Variants in PHACTR1 observed in about 807,000 individuals in gnomAD.
PHACTR1 encodes phosphatase and actin regulator 1, also known as RPEL repeat containing 1.
In PHACTR1, 16 loss-of-function variants were observed where a neutral mutation model predicts 69.2. That is an observed-to-expected ratio of 0.23 (90% CI 0.16 to 0.35). The LOEUF is 0.35. PHACTR1 is among the 10% of genes least tolerant of loss of function. The pLI is 1.00. For missense variants in PHACTR1, 510 were observed against 734.7 expected (o/e 0.69, Z 3.54); for synonymous variants, 312 against 284.5 (o/e 1.10, Z -0.97).
chr6:12,729,690 T>C (rs1343995754), intron 3 of PHACTR1, among the ~76,000 whole-genome samples: 1 of 152,088 alleles, frequency 6.6e-6, no homozygotes, highest in African/African-American at 2.4e-5. Flanking sequence ...AGGTCTGCTT[T>C]TATAGAGATC....
intron 7 of PHACTR1, among the ~76,000 whole-genome samples, chr6:13,202,010 T>C (rs1269124290): frequency 6.6e-6 from 1 of 152,228 alleles, no homozygotes; most frequent in Non-Finnish European, 1.5e-5. Flanking sequence ...CTTTAATTCA[T>C]AGCTATGTGC....
At chr6:12,921,758 A>AACAGGGAGGGAG (rs1787717253) in intron 4 of PHACTR1, among the ~76,000 whole-genome samples, 1 of 46,094 alleles carries the variant, frequency 2.2e-5, no homozygotes, top group Non-Finnish European at 4.0e-5. Context: ...AAAGGAAGGA[A>AACAGGGAGGGAG]GGAAGAAGGA....
chr6:12,770,242 A>G (rs1023398088), intron 4 of PHACTR1, among the ~76,000 whole-genome samples: 3 of 152,232 alleles, frequency 2.0e-5, no homozygotes, highest in African/African-American at 7.2e-5. Context: ...TACAACAGTC[A>G]TCTATTTAGC....
In PHACTR1 at chr6:13,252,961, T is replaced by C. The variant is rs148513058; in HGVS notation, c.1392-19899T>C. On this transcript the variant is annotated intron_variant, in intron 10 of 14. Transcript: ENST00000332995. ...GTGTTTTCGTTTCCAGGTTTCTAAA[T>C]AGCATGAGATCTCATCTGAACTTGA... is the stretch of plus-strand genomic sequence containing the variant. 14 of 395,166 alleles carry C rather than the reference T, an allele frequency of 3.5e-5. No homozygotes were observed. In the East Asian group the frequency reaches 1.0e-3, roughly 29 times the overall value. The allele number at this position is 395,166 out of a possible 1,614,324, so 24.5% of individuals were successfully genotyped here. A position where few individuals can be genotyped will look rare whatever the true frequency, so the allele number is the denominator to read the frequency against.
chr6:12,735,687 C>A (rs1443171947), intron 3 of PHACTR1, among the ~76,000 whole-genome samples: 1 of 152,154 alleles, frequency 6.6e-6, no homozygotes, highest in African/African-American at 2.4e-5. Flanking sequence ...GCTAGGTATT[C>A]ACACTTTAAA....
chr6:13,064,679 T>A (rs1235013419), intron 5 of PHACTR1, among the ~76,000 whole-genome samples: 3 of 141,234 alleles, frequency 2.1e-5, no homozygotes, highest in African/African-American at 7.8e-5. Context: ...CAGCCTGGGC[T>A]CCAGAGTCAG....
chr6:13,127,413 CA>C (rs1156576065), intron 5 of PHACTR1, among the ~76,000 whole-genome samples: 1 of 151,872 alleles, frequency 6.6e-6, no homozygotes, highest in Admixed American at 6.6e-5. Context: ...ACAACAACAA[CA>C]AAAAAATTAG....
chr6:13,040,101 C>G (rs563815448), intron 4 of PHACTR1, among the ~76,000 whole-genome samples: 17 of 152,304 alleles, frequency 1.1e-4, no homozygotes, highest in African/African-American at 3.4e-4. Flanking sequence ...TTCCTCTTCT[C>G]TTTCTTCAAA....
At chr6:12,901,187 A>G (rs1215815959) in intron 4 of PHACTR1, among the ~76,000 whole-genome samples, 1 of 152,186 alleles carries the variant, frequency 6.6e-6, no homozygotes, top group Non-Finnish European at 1.5e-5. Context: ...CTACTGGAGA[A>G]TAAGGATTCT....
At chr6:12,952,306 GT>G (rs1791394025) in intron 4 of PHACTR1, among the ~76,000 whole-genome samples, 2 of 152,308 alleles carry the variant, frequency 1.3e-5, no homozygotes, top group African/African-American at 4.8e-5. Flanking sequence ...TTGGATAAAT[GT>G]TTAATGACAT....
intron 4 of PHACTR1, among the ~76,000 whole-genome samples, chr6:12,998,062 A>G (rs962761978): frequency 2.0e-5 from 3 of 152,242 alleles, no homozygotes; most frequent in Non-Finnish European, 4.4e-5. Context: ...AAAATATTCA[A>G]TATAACTCAG....
At chr6:13,177,688 T>C (rs1761578784) in intron 6 of PHACTR1, among the ~76,000 whole-genome samples, 1 of 152,198 alleles carries the variant, frequency 6.6e-6, no homozygotes, top group African/African-American at 2.4e-5. Flanking sequence ...AGAACAATAA[T>C]GTAGCAACAA....
At chr6:13,187,878 T>TA (rs1208608031) in intron 7 of PHACTR1, among the ~76,000 whole-genome samples, 4 of 152,206 alleles carry the variant, frequency 2.6e-5, no homozygotes, top group African/African-American at 9.7e-5. Context: ...TATGACATTG[T>TA]AAAAAGAAGA....
chr6:13,051,206 C>G (rs1269713581), intron 4 of PHACTR1, among the ~76,000 whole-genome samples: 1 of 152,106 alleles, frequency 6.6e-6, no homozygotes, highest in East Asian at 1.9e-4. Flanking sequence ...CTGGCATACT[C>G]TATAATTTAT....
chr6:12,782,370 T>C (rs9463110), intron 4 of PHACTR1, among the ~76,000 whole-genome samples: 1 of 151,954 alleles, frequency 6.6e-6, no homozygotes, highest in Non-Finnish European at 1.5e-5. Context: ...CACATTCGAC[T>C]TGTCAGTTAC....
chr6:12,986,945 C>A (rs1240493782), intron 4 of PHACTR1, among the ~76,000 whole-genome samples: 1 of 152,122 alleles, frequency 6.6e-6, no homozygotes, highest in Admixed American at 6.5e-5. Context: ...ATAGGGGCTA[C>A]CTCAGAGTGG....
chr6:13,228,113 GA>G (rs774418431), intron 9 of PHACTR1, 50 bp downstream of exon 9: 3 of 1,567,092 alleles, frequency 1.9e-6, no homozygotes, highest in Non-Finnish European at 8.6e-7. Context: ...TGCTATTGTG[GA>G]AAGACAGCAG....
At chr6:13,094,524 T>A (rs1350868038) in intron 5 of PHACTR1, among the ~76,000 whole-genome samples, 2 of 151,904 alleles carry the variant, frequency 1.3e-5, no homozygotes, top group Non-Finnish European at 2.9e-5. Context: ...CTTGAACTCC[T>A]GACCTCAGGT....
chr6:12,833,011 G>T (rs1777753566), intron 4 of PHACTR1, among the ~76,000 whole-genome samples: 1 of 152,062 alleles, frequency 6.6e-6, no homozygotes. Context: ...ATTTGGTGAG[G>T]TAGATAGAAT....
Sources: allele counts gnomAD v4.1 joint callset (sites outside exome capture counted in the v4.1 genomes callset), GRCh38; gene constraint gnomAD v4.1.1; transcripts MANE v1.5; gene names NCBI Gene and HGNC (gene_info 2026-07-23, HGNC 2026-07-21).